The following USH2A variants were observed in gnomAD, a reference collection of about 807,000 sequenced individuals.
The protein encoded by USH2A is Usher syndrome 2A (autosomal recessive, mild).
In USH2A, 443 loss-of-function variants were observed where a neutral mutation model predicts 538.9. That is an observed-to-expected ratio of 0.82 (90% CI 0.76 to 0.89). The LOEUF is 0.89. Among genes scored for constraint, USH2A ranks in the 40% least tolerant of loss-of-function variants. USH2A has a pLI of 0.00. For missense variants in USH2A, 6,633 were observed against 6,324.8 expected, an observed-to-expected ratio of 1.05 and a Z score of -1.65; for synonymous variants, 2,413 against 2,273.5, an observed-to-expected ratio of 1.06 and a Z score of -1.75.
At chr1:215,694,281 T>C (rs567895215) in intron 61 of USH2A, among the ~76,000 whole-genome samples, 221 of 152,236 alleles carry the variant, frequency 1.5e-3, no homozygotes, top group African/African-American at 5.0e-3. Flanking sequence ...AACAAGACAT[T>C]CAAAATTTCT....
intron 61 of USH2A, among the ~76,000 whole-genome samples, chr1:215,698,738 G>T (rs189501910): frequency 6.6e-6 from 1 of 152,066 alleles, no homozygotes; most frequent in Admixed American, 6.6e-5. Context: ...TTGTCAGATG[G>T]ATAGGTTGCA....
chr1:215,903,912 A>G (rs984500815), intron 38 of USH2A, among the ~76,000 whole-genome samples: 3 of 152,120 alleles, frequency 2.0e-5, no homozygotes, highest in African/African-American at 7.2e-5. Flanking sequence ...TTTTGGTTTG[A>G]AGGACATTCA....
At position 216,247,135 on chromosome 1, in the gene USH2A, G is replaced by A. The variant is rs1161227031; in HGVS notation, c.2259C>T (p.Gly753=). The A allele has an allele frequency of 8.7e-6, 14 of 1,613,892 alleles. No homozygotes were observed. The highest frequency in any genetic ancestry group is 1.1e-5 in the Non-Finnish European group (13 of 1,179,950). Residue 753 remains glycine (G), a synonymous_variant, in exon 13 of 72, where the codon GGC becomes GGT. Transcript: ENST00000307340. ...GCEPCQCNLH[G]SVNKFCNPHS... is the part of the protein sequence containing the mutation. Reference sequence around the variant, plus strand: ...GAGGATTGCAGAATTTGTTCACTGAGCCATGGAGGTTACACTGGCAGGGCT... The same window carrying A: ...GAGGATTGCAGAATTTGTTCACTGAACCATGGAGGTTACACTGGCAGGGCT...
intron 9 of USH2A, among the ~76,000 whole-genome samples, chr1:216,296,001 T>C (rs2037097208): frequency 1.3e-5 from 2 of 152,032 alleles, no homozygotes; most frequent in Admixed American, 1.3e-4. Flanking sequence ...GTTCAATTTC[T>C]TCCTTTAACA....
At chr1:216,388,597 A>G (rs1003525409) in intron 3 of USH2A, among the ~76,000 whole-genome samples, 3 of 152,232 alleles carry the variant, frequency 2.0e-5, no homozygotes, top group Non-Finnish European at 2.9e-5. Flanking sequence ...TATCACTTTT[A>G]ACATAAAAGC....
chr1:215,795,455 G>A (rs1571693879), intron 50 of USH2A, among the ~76,000 whole-genome samples: 1 of 152,036 alleles, frequency 6.6e-6, no homozygotes, highest in Admixed American at 6.6e-5. Context: ...ACGGAATCTT[G>A]GCCATTTTTA....
intron 32 of USH2A, among the ~76,000 whole-genome samples, chr1:216,040,159 G>T (rs939876873): frequency 6.6e-6 from 1 of 151,772 alleles, no homozygotes; most frequent in African/African-American, 2.4e-5. Flanking sequence ...TCCAGGTCCT[G>T]ATGGAACAGC....
intron 40 of USH2A, among the ~76,000 whole-genome samples, chr1:215,896,908 G>A (rs79988470): frequency 0.013 from 2,016 of 152,034 alleles, 58 homozygotes; most frequent in African/African-American, 0.047. Context: ...TGACCAAATT[G>A]GCTGGAACAA....
intron 47 of USH2A, among the ~76,000 whole-genome samples, chr1:215,831,987 G>C (rs1934432): frequency 0.37 from 56,592 of 151,624 alleles, 11,257 homozygotes; most frequent in Admixed American, 0.51. Flanking sequence ...GCAACAAATT[G>C]TTGTTTGTAG....
chr1:215,806,679 TG>T (rs149157225), intron 49 of USH2A, among the ~76,000 whole-genome samples: 3,924 of 152,122 alleles, frequency 0.026, 177 homozygotes, highest in African/African-American at 0.09. Flanking sequence ...TACCAGTCCT[TG>T]TAGTTCACTG....
intron 8 of USH2A, among the ~76,000 whole-genome samples, chr1:216,322,331 G>A (rs1037863193): frequency 2.0e-5 from 3 of 152,074 alleles, no homozygotes; most frequent in Admixed American, 6.6e-5. Context: ...GGCTGAGCAC[G>A]GTGGCTCACG....
chr1:216,317,408 T>TG (rs1322051388), intron 9 of USH2A, among the ~76,000 whole-genome samples: 1 of 151,378 alleles, frequency 6.6e-6, no homozygotes, highest in East Asian at 2.0e-4. Context: ...GTGGGGGCTG[T>TG]GGGGGGAAGA....
intron 21 of USH2A, among the ~76,000 whole-genome samples, chr1:216,159,355 A>G (rs2034009337): frequency 6.6e-6 from 1 of 152,076 alleles, no homozygotes; most frequent in Admixed American, 6.6e-5. Context: ...TTTCATTACT[A>G]GTTTGCTGAG....
intron 37 of USH2A, among the ~76,000 whole-genome samples, chr1:215,957,198 G>A (rs1171155882): frequency 1.3e-5 from 2 of 152,090 alleles, no homozygotes; most frequent in Non-Finnish European, 1.5e-5. Context: ...CATTCCCAAT[G>A]TTTTTTATAT....
chr1:216,309,472 A>T (rs565631002), intron 9 of USH2A, among the ~76,000 whole-genome samples: 1 of 152,042 alleles, frequency 6.6e-6, no homozygotes, highest in South Asian at 2.1e-4. Flanking sequence ...ATTTGTTGTG[A>T]TTGTTTATTT....
chr1:215,927,297 T>G (rs574381151), intron 38 of USH2A, among the ~76,000 whole-genome samples: 70 of 152,214 alleles, frequency 4.6e-4, no homozygotes, highest in African/African-American at 1.6e-3. Context: ...CTTCCTTAAT[T>G]ATCTCTAAAT....
chr1:216,301,229 T>C (rs2037211340), intron 9 of USH2A, among the ~76,000 whole-genome samples: 5 of 152,150 alleles, frequency 3.3e-5, no homozygotes, highest in Admixed American at 3.3e-4. Context: ...AAATATCCTC[T>C]TAGACAAAGA....
chr1:216,118,684 T>G (rs1172816750), intron 21 of USH2A, among the ~76,000 whole-genome samples: 1 of 152,252 alleles, frequency 6.6e-6, no homozygotes, highest in Non-Finnish European at 1.5e-5. Context: ...TTAGTTAACA[T>G]GCTTCTTGTT....
intron 3 of USH2A, among the ~76,000 whole-genome samples, chr1:216,389,824 A>G (rs1571770952): frequency 6.6e-6 from 1 of 152,144 alleles, no homozygotes; most frequent in Non-Finnish European, 1.5e-5. Flanking sequence ...TTTTCTATAC[A>G]TCTTCCCTTC....
Sources: gnomAD v4.1 joint callset for allele counts (sites outside exome capture counted in the v4.1 genomes callset) on GRCh38, gnomAD v4.1.1 for gene constraint, MANE v1.5 for transcripts, NCBI Gene and HGNC (gene_info 2026-07-23, HGNC 2026-07-21) for gene names.